The following PRR4 variants were observed in gnomAD, a reference collection of about 807,000 sequenced individuals.
PRR4 encodes proline-rich protein 4.
Under a neutral mutation model 7.6 loss-of-function variants are expected in PRR4, and 7 were observed. The ratio of observed to expected loss-of-function variants is 0.92; its 90% CI spans 0.52 to 1.73. The LOEUF (loss-of-function observed/expected upper bound fraction) is 1.73. Among genes scored for constraint, PRR4 ranks in the 40% most tolerant of loss-of-function variants. PRR4 has a pLI of 0.00. For synonymous variants in PRR4, 64 were observed against 58.5 expected (o/e 1.09, Z -0.43); for missense variants, 187 against 161.0 (o/e 1.16, Z -0.87).
At chr12:10,849,313 GA>G in intron 1 of PRR4, 60 bp downstream of exon 1, 1 of 1,088,252 alleles carries the variant, frequency 9.2e-7, no homozygotes, top group Non-Finnish European at 1.3e-6. Context: ...TGAGGCCCTA[GA>G]AGAGTCATGG....
chr12:10,847,156 T>TAG lies in PRR4; in HGVS notation c.310_311dup (p.Pro105TyrfsTer40). On this transcript the variant is annotated frameshift_variant, in exon 3 of 4. Coordinates refer to ENST00000228811, the MANE Select transcript of PRR4 (RefSeq NM_007244.3). LOFTEE classifies it low-confidence loss of function (END_TRUNC). ...GCAGGCTGACAGAAGGAAATCGGGG[T>TAG]AGAGAGAGTTGACGGTGTCCTCGTC... 6.2e-7 allele frequency: 1 copy of TAG among 1,613,448 alleles called. No individual in the cohort carries two copies. The highest frequency in any genetic ancestry group is 2.2e-5 in the East Asian group (1 of 44,844).
At chr12:10,846,232 T>G (rs1170137729) in intron 3 of PRR4, among the ~76,000 whole-genome samples, 1 of 152,210 alleles carries the variant, frequency 6.6e-6, no homozygotes, top group Admixed American at 6.5e-5. Context: ...CACAAGAGAA[T>G]AGTATACAAT....
In PRR4 at chr12:10,845,886, A is replaced by T. The variant is rs1565429512; in HGVS notation, c.*83T>A. On this transcript the variant is annotated 3_prime_UTR_variant, in exon 4 of 4. Coordinates refer to ENST00000228811, the MANE Select transcript of PRR4 (RefSeq NM_007244.3). ...AATATTTTATTGGTATACTGAAGAA[A>T]GAGTTATGACCACATTATTTCAATG... 3 of 1,218,416 alleles carry T rather than the reference A, an allele frequency of 2.5e-6. No homozygotes were observed. The East Asian group carries it at 8.3e-5, about 34-fold the overall frequency. 75.5% of individuals were successfully genotyped at this position (1,218,416 alleles called of 1,614,324 possible). A position where few individuals can be genotyped will look rare whatever the true frequency, so the allele number is the denominator to read the frequency against.
intron 2 of PRR4, 59 bp from the exon 3 acceptor site, chr12:10,847,426 C>T: frequency 5.3e-6 from 7 of 1,310,130 alleles, no homozygotes; most frequent in Non-Finnish European, 7.2e-6. Context: ...ACTCTCCTCT[C>T]TTTATACTTC....
intron 2 of PRR4, among the ~76,000 whole-genome samples, chr12:10,848,131 C>A (rs1203010973): frequency 1.3e-5 from 2 of 152,132 alleles, no homozygotes; most frequent in Non-Finnish European, 2.9e-5. Context: ...CCTGCCCACT[C>A]CTATTGTCCT....
intron 2 of PRR4, 50 bp from the exon 3 acceptor site, chr12:10,847,417 C>A: frequency 7.3e-7 from 1 of 1,372,498 alleles, no homozygotes; most frequent in Non-Finnish European, 9.8e-7. Context: ...TGAAGAAAAA[C>A]TCTCCTCTCT....
At chr12:10,846,820 A>G (rs576689025) in intron 3 of PRR4, among the ~76,000 whole-genome samples, 1 of 152,304 alleles carries the variant, frequency 6.6e-6, no homozygotes, top group African/African-American at 2.4e-5. Flanking sequence ...TCATCTTAAG[A>G]AAAAAGTTGG....
chr12:10,849,307 GC>G, intron 1 of PRR4, 66 bp downstream of exon 1: 1 of 970,104 alleles, frequency 1.0e-6, no homozygotes. Context: ...AACCCCTGAG[GC>G]CCTAGAAGAG....
rs193002533 is a variant in PRR4, at chr12:10,848,361, T to C, written c.100+11A>G. On this transcript the variant is annotated intron_variant, in intron 2 of 3. Coordinates refer to ENST00000228811, the MANE Select transcript of PRR4 (RefSeq NM_007244.3). ...AAGAAAAGAATTGGATTGAGGATCATTGGGATTTACCTGGTATGGTGAAAG... is the reference window on the plus strand; with the variant it reads ...AAGAAAAGAATTGGATTGAGGATCACTGGGATTTACCTGGTATGGTGAAAG... The C allele has an allele frequency of 3.5e-4, 558 of 1,602,726 alleles. 3 individuals are homozygous for C. The highest frequency in any genetic ancestry group is 4.7e-5 in the Non-Finnish European group (55 of 1,170,210).
intron 3 of PRR4, 176 bp downstream of exon 3, chr12:10,846,869 A>G: frequency 1.8e-6 from 1 of 554,240 alleles, no homozygotes; most frequent in Non-Finnish European, 2.8e-6. Flanking sequence ...TCTTTGAACC[A>G]CTTGTTAAAA....
intron 2 of PRR4, among the ~76,000 whole-genome samples, chr12:10,847,876 A>C (rs1026775481): frequency 9.2e-5 from 14 of 152,234 alleles, no homozygotes; most frequent in African/African-American, 3.4e-4. Flanking sequence ...AAGCCTGCAC[A>C]TGATCACTAA....
At position 10,849,343 on chromosome 12, in the gene PRR4, A is replaced by G. The variant is rs1426738164; in HGVS notation, c.64+31T>C. The G allele has an allele frequency of 4.1e-6, 6 of 1,472,270 alleles. No homozygotes were observed. The African/African-American group carries it at 7.1e-5, about 18-fold the overall frequency. The allele number at this position is 1,472,270 out of a possible 1,614,324, so 91.2% of individuals were successfully genotyped here. On this transcript the variant is annotated intron_variant, in intron 1 of 3. Transcript: ENST00000228811. Reference sequence around the variant, plus strand: ...GTCATGGCCCCTCATCCCACTCCCCATCTCCTTTTTTAAAAAAATAATTTT... The same window carrying G: ...GTCATGGCCCCTCATCCCACTCCCCGTCTCCTTTTTTAAAAAAATAATTTT...
At chr12:10,847,469 A>G in intron 2 of PRR4, 102 bp from the exon 3 acceptor site, 4 of 858,328 alleles carry the variant, frequency 4.7e-6, no homozygotes, top group Non-Finnish European at 6.6e-6. Flanking sequence ...GTTCTCCCCA[A>G]ACCTGCTGCT....
In PRR4 at chr12:10,848,373, T is replaced by C. The variant is rs553269144; in HGVS notation, c.99A>G (p.Pro33=). The C allele has an allele frequency of 8.7e-6, 14 of 1,608,372 alleles. No homozygotes were observed. The East Asian group carries it at 2.0e-4, about 23-fold the overall frequency. The change falls in exon 2 of 4, where the codon CCA becomes CCG. Residue 33 remains proline (P), a splice_region_variant and synonymous_variant. Transcript: ENST00000228811. ...VNYEDFTFTI[P]DVEDSSQRPD... is the part of the protein sequence containing the mutation. Reference sequence around the variant, plus strand: ...GGATTGAGGATCATTGGGATTTACCTGGTATGGTGAAAGTAAAGTCTTCAT... The same window carrying C: ...GGATTGAGGATCATTGGGATTTACCCGGTATGGTGAAAGTAAAGTCTTCAT...
intron 1 of PRR4, 68 bp from the exon 2 acceptor site, chr12:10,848,475 T>TAGGGA (rs1949052585): frequency 6.7e-7 from 1 of 1,501,324 alleles, no homozygotes; most frequent in Non-Finnish European, 9.2e-7. Flanking sequence ...TAGTGGTCTA[T>TAGGGA]AGGGAAAGGG....
At chr12:10,849,293 G>C (rs1181302688) in intron 1 of PRR4, 81 bp downstream of exon 1, 2 of 796,622 alleles carry the variant, frequency 2.5e-6, no homozygotes, top group Non-Finnish European at 3.8e-6. Flanking sequence ...AGTGGTGTAG[G>C]GTGAACCCCT....
rs1378495901 is a variant in PRR4 at position 10,845,918 on chromosome 12, C to T, written c.*51G>A. On this transcript the variant is annotated 3_prime_UTR_variant, in exon 4 of 4. Transcript: ENST00000228811. ...TGACCACATTATTTCAATGTCATGG[C>T]TTTCTGAAGGAAGTTATCTTCTTAT... The T allele has an allele frequency of 5.3e-6, 7 of 1,321,858 alleles. No homozygotes were observed. The South Asian group carries it at 9.1e-5, about 17-fold the overall frequency. 81.9% of individuals were successfully genotyped at this position (1,321,858 alleles called of 1,614,324 possible). A position where few individuals can be genotyped will look rare whatever the true frequency, so the allele number is the denominator to read the frequency against.
rs1015761796 is a variant in PRR4, at chr12:10,847,253, C to T, written c.215G>A (p.Arg72Lys). 6.2e-6 allele frequency: 10 copies of T among 1,613,388 alleles called. No individual in the cohort carries two copies. In the South Asian group the frequency reaches 1.1e-4, roughly 18 times the overall value. Residue 72 changes from arginine (R) to lysine (K), a missense_variant, in exon 3 of 4, where the codon AGA becomes AAA. Coordinates refer to ENST00000228811, the MANE Select transcript of PRR4 (RefSeq NM_007244.3). ...SGNQDDGPQQ[R>K]PPKPGGHHRH... is the part of the protein sequence containing the mutation. ...GTGATGGCCTCCTGGTTTTGGTGGT[C>T]TCTGCTGAGGACCATCATCTTGGTT...
intron 3 of PRR4, 148 bp downstream of exon 3, chr12:10,846,897 C>T (rs559116573): frequency 1.2e-5 from 9 of 745,362 alleles, no homozygotes; most frequent in Non-Finnish European, 1.4e-5. Flanking sequence ...GACTTGCAAC[C>T]TTATCCAAGA....
Sources: allele counts gnomAD v4.1 joint callset (sites outside exome capture counted in the v4.1 genomes callset), GRCh38; gene constraint gnomAD v4.1.1; transcripts MANE v1.5; gene names NCBI Gene and HGNC (gene_info 2026-07-23, HGNC 2026-07-21).